Variants in ACVR1C observed in about 807,000 individuals in gnomAD.
ACVR1C encodes the protein activin A receptor type 1C.
In ACVR1C, 23 loss-of-function variants were observed where a neutral mutation model predicts 57.9. The ratio of observed to expected loss-of-function variants is 0.40; its 90% CI spans 0.29 to 0.56. The LOEUF (loss-of-function observed/expected upper bound fraction) is 0.56, where lower values mean the gene tolerates loss of function less well. Ranked by LOEUF, ACVR1C falls within the 20% of genes least tolerant of loss-of-function variation. The pLI is 0.50. For synonymous variants in ACVR1C, 214 were observed against 215.3 expected, an observed-to-expected ratio of 0.99 and a Z score of 0.05; for missense variants, 480 against 607.9, an observed-to-expected ratio of 0.79 and a Z score of 2.21.
Position 157,587,123 on chromosome 2 carries a change from T to C in ACVR1C, c.304+64A>G, listed in dbSNP as rs1157678433. The stretch of plus-strand genomic sequence containing the variant: ...AAGAAACATAAGACAGTTTGATTCC[T>C]ACCATTCTTATAGTTTCCCAAGAGT... On this transcript the variant is annotated intron_variant, in intron 2 of 8. Transcript: ENST00000243349. The C allele has an allele frequency of 6.6e-6, 9 of 1,367,154 alleles. No homozygotes were observed. The East Asian group carries it at 2.1e-4, about 31-fold the overall frequency. 84.7% of individuals were successfully genotyped at this position (1,367,154 alleles called of 1,614,324 possible).
chr2:157,556,470 T>G (rs1485492575), intron 2 of ACVR1C, 138 bp from the exon 3 acceptor site: 1 of 1,128,128 alleles, frequency 8.9e-7, no homozygotes, highest in Non-Finnish European at 1.2e-6. Flanking sequence ...TGGTAAAGGC[T>G]CTCTGTGGTA....
intron 2 of ACVR1C, among the ~76,000 whole-genome samples, chr2:157,577,816 C>T (rs1688699761): frequency 6.6e-6 from 1 of 151,920 alleles, no homozygotes; most frequent in Non-Finnish European, 1.5e-5. Flanking sequence ...TGTGTGCTTC[C>T]TTTTCTCTCT....
rs115618108 is a variant in ACVR1C, at chr2:157,624,706, G to A, written c.73+3866C>T. Among the ~76,000 whole-genome samples, 431 of 152,258 alleles carry A rather than the reference G, an allele frequency of 2.8e-3. 5 individuals are homozygous for A. Among genetic ancestry groups the A allele is most frequent in the Admixed American group, 3.3e-3 (50 of 15,292 alleles). On this transcript the variant is annotated intron_variant, in intron 1 of 8. Transcript: ENST00000243349. ...GGGAGATGCACATGAAGACAGTAAC[G>A]GAGCTAGAACAGGCGAGGGTTTTAG...
At chr2:157,626,035 A>G (rs1682888394) in intron 1 of ACVR1C, among the ~76,000 whole-genome samples, 1 of 152,266 alleles carries the variant, frequency 6.6e-6, no homozygotes. Flanking sequence ...TGGTGTGATC[A>G]TGGCTCACTG....
At chr2:157,604,633 T>C (rs1054636841) in intron 1 of ACVR1C, among the ~76,000 whole-genome samples, 2 of 151,982 alleles carry the variant, frequency 1.3e-5, no homozygotes, top group African/African-American at 4.8e-5. Flanking sequence ...TACATTTAAC[T>C]TTACATAGAA....
intron 3 of ACVR1C, among the ~76,000 whole-genome samples, chr2:157,554,461 T>C (rs1320076478): frequency 6.6e-6 from 1 of 152,024 alleles, no homozygotes; most frequent in Non-Finnish European, 1.5e-5. Flanking sequence ...GTCTAGCCAA[T>C]AATTTATTTT....
At chr2:157,587,894 C>T (rs1251562821) in intron 1 of ACVR1C, among the ~76,000 whole-genome samples, 2 of 152,054 alleles carry the variant, frequency 1.3e-5, no homozygotes, top group Non-Finnish European at 2.9e-5. Flanking sequence ...ATGTGCTAAA[C>T]GCAAAGCTAA....
In ACVR1C at chr2:157,565,089, C is replaced by T. The variant is rs186730278; in HGVS notation, c.305-8757G>A. Among the ~76,000 whole-genome samples, 60 of 151,944 alleles carry T rather than the reference C, an allele frequency of 3.9e-4. 1 individual carries two copies. In the East Asian group the frequency reaches 0.01, roughly 26 times the overall value. On this transcript the variant is annotated intron_variant, in intron 2 of 8. Transcript: ENST00000243349. ...CGTATACCTATGTAACAAACCTGCC[C>T]GTTCTGTACATGTATCCCAGAATTT...
chr2:157,575,882 T>G (rs150878815), intron 2 of ACVR1C, among the ~76,000 whole-genome samples: 7 of 151,928 alleles, frequency 4.6e-5, no homozygotes, highest in African/African-American at 1.7e-4. Context: ...AAGGGAAGAG[T>G]TAAAGAATGT....
At chr2:157,560,919 T>C (rs1163220212) in intron 2 of ACVR1C, among the ~76,000 whole-genome samples, 1 of 152,202 alleles carries the variant, frequency 6.6e-6, no homozygotes, top group Non-Finnish European at 1.5e-5. Context: ...GTATAATATC[T>C]ACATTTCAAA....
rs1275331197 is a variant in ACVR1C at position 157,528,840 on chromosome 2, AG to A, written c.*5077del. The A allele has an allele frequency of 6.6e-6, 1 of 152,212 alleles. No individual in the cohort carries two copies. Among genetic ancestry groups the A allele is most frequent in the Admixed American group, 6.5e-5 (1 of 15,270 alleles). The allele number at this position is 152,212 out of a possible 1,614,324, so 9.4% of individuals were successfully genotyped here. On this transcript the variant is annotated 3_prime_UTR_variant, in exon 9 of 9. Transcript: ENST00000243349. ...TCTCTGCCATTAACAAATACTCTAT[AG>A]TGCCAAATGAAGGATTACTGGAGAA... is the stretch of plus-strand genomic sequence containing the variant.
intron 3 of ACVR1C, among the ~76,000 whole-genome samples, chr2:157,555,145 T>G (rs1688068475): frequency 8.1e-6 from 1 of 123,784 alleles, no homozygotes; most frequent in African/African-American, 3.2e-5. Context: ...GGAGTCTCGC[T>G]CTGTCACCCA....
chr2:157,553,136 T>C (rs1230644631), intron 3 of ACVR1C, among the ~76,000 whole-genome samples: 1 of 152,224 alleles, frequency 6.6e-6, no homozygotes, highest in Non-Finnish European at 1.5e-5. Context: ...TGTCTCACAT[T>C]TAAAGTTACT....
chr2:157,616,137 C>T (rs577289907), intron 1 of ACVR1C, among the ~76,000 whole-genome samples: 1 of 152,236 alleles, frequency 6.6e-6, no homozygotes, highest in South Asian at 2.1e-4. Context: ...TTCTAGCATT[C>T]CATTTACACA....
At chr2:157,586,666 C>A (rs897461059) in intron 2 of ACVR1C, among the ~76,000 whole-genome samples, 2 of 152,004 alleles carry the variant, frequency 1.3e-5, no homozygotes, top group African/African-American at 2.4e-5. Flanking sequence ...GATGAAGGGT[C>A]GAATTCCATT....
intron 2 of ACVR1C, among the ~76,000 whole-genome samples, chr2:157,578,097 G>T (rs1352291666): frequency 1.3e-5 from 2 of 152,022 alleles, no homozygotes; most frequent in East Asian, 1.9e-4. Context: ...TAGAAGCAGG[G>T]TCTTGCCATG....
chr2:157,608,243 C>A (rs775155452), intron 1 of ACVR1C, among the ~76,000 whole-genome samples: 2 of 151,880 alleles, frequency 1.3e-5, no homozygotes, highest in Admixed American at 1.3e-4. Flanking sequence ...TTGAAATAAT[C>A]ATATGATCTT....
intron 1 of ACVR1C, among the ~76,000 whole-genome samples, chr2:157,605,918 G>A (rs1682382014): frequency 6.6e-6 from 1 of 151,252 alleles, no homozygotes; most frequent in South Asian, 2.1e-4. Flanking sequence ...TTATATGTTT[G>A]CACCCATTAA....
At chr2:157,608,417 G>C (rs1682456053) in intron 1 of ACVR1C, among the ~76,000 whole-genome samples, 1 of 151,824 alleles carries the variant, frequency 6.6e-6, no homozygotes, top group Non-Finnish European at 1.5e-5. Flanking sequence ...TTGCATCTTT[G>C]TTCATCAGGG....
Sources: allele counts gnomAD v4.1 joint callset (sites outside exome capture counted in the v4.1 genomes callset), GRCh38; gene constraint gnomAD v4.1.1; transcripts MANE v1.5; gene names NCBI Gene and HGNC (gene_info 2026-07-23, HGNC 2026-07-21).